ZMYND8: variants seen among roughly 807,000 people sequenced by gnomAD.
The protein encoded by ZMYND8 is zinc finger MYND-type containing 8, also known as MYND-type zinc finger-containing chromatin reader ZMYND8.
A neutral mutation model predicts 140.8 loss-of-function variants in ZMYND8; 37 were observed. That is an observed-to-expected ratio of 0.26 (90% CI 0.20 to 0.35). ZMYND8 has a LOEUF of 0.35. Ranked by LOEUF, ZMYND8 falls within the 10% of genes least tolerant of loss-of-function variation. The pLI, the probability that ZMYND8 is intolerant of heterozygous loss-of-function variation, is 1.00. For missense variants in ZMYND8, 1,068 were observed against 1,570.0 expected (o/e 0.68, Z 5.40); for synonymous variants, 592 against 597.1 (o/e 0.99, Z 0.12).
At chr20:47,331,435 T>C (rs1258638568) in intron 2 of ZMYND8, among the ~76,000 whole-genome samples, 1 of 152,158 alleles carries the variant, frequency 6.6e-6, no homozygotes, top group East Asian at 1.9e-4. Flanking sequence ...AAATCTCTCA[T>C]GGACATCTTG....
chr20:47,356,442 G>A, intron 1 of ZMYND8: 1 of 1,543,192 alleles, frequency 6.5e-7, no homozygotes, highest in East Asian at 2.4e-5. Context: ...GGTGTGCCAG[G>A]CCCTTGCCAG....
intron 21 of ZMYND8, among the ~76,000 whole-genome samples, chr20:47,218,083 C>T (rs2036382695): frequency 6.6e-6 from 1 of 152,230 alleles, no homozygotes; most frequent in African/African-American, 2.4e-5. Context: ...GCAGCTATGA[C>T]AGGAACCATG....
chr20:47,319,161 A>C (rs1393123486), intron 2 of ZMYND8: 2 of 622,696 alleles, frequency 3.2e-6, no homozygotes, highest in Middle Eastern at 3.0e-4. Context: ...CGGGGCAAGG[A>C]CACTGTCACC....
intron 12 of ZMYND8, among the ~76,000 whole-genome samples, chr20:47,252,940 G>A (rs1200952415): frequency 3.3e-5 from 5 of 152,170 alleles, no homozygotes; most frequent in Admixed American, 2.0e-4. Flanking sequence ...TAAAAGCCCA[G>A]AGAGTAAATA....
In ZMYND8 at chr20:47,245,990, A is replaced by G; in HGVS notation, c.2284+18T>C. The G allele has an allele frequency of 6.4e-7, 1 of 1,554,168 alleles. No individual in the cohort carries two copies. Among genetic ancestry groups the G allele is most frequent in the African/African-American group, 1.4e-5 (1 of 72,454 alleles). On this transcript the variant is annotated intron_variant, in intron 14 of 22. Coordinates refer to ENST00000471951, the MANE Select transcript of ZMYND8 (RefSeq NM_001281775.3). ...CTAAACCAAATTAAGAAAACTGGAAACAGATACAATCACTTACCATCCTGT... is the reference window on the plus strand; with the variant it reads ...CTAAACCAAATTAAGAAAACTGGAAGCAGATACAATCACTTACCATCCTGT...
At chr20:47,290,541 T>G (rs185501225) in intron 6 of ZMYND8, among the ~76,000 whole-genome samples, 7 of 152,014 alleles carry the variant, frequency 4.6e-5, no homozygotes, top group Non-Finnish European at 8.8e-5. Context: ...CTGTCATTTA[T>G]CATGTAGCTT....
At chr20:47,211,031 G>T in intron 22 of ZMYND8, 134 bp from the exon 23 acceptor site, 1 of 1,217,390 alleles carries the variant, frequency 8.2e-7, no homozygotes, top group South Asian at 1.6e-5. Flanking sequence ...CACTGCCACC[G>T]CTGACTGCCC....
chr20:47,336,808 G>A (rs1293426990), intron 2 of ZMYND8, among the ~76,000 whole-genome samples: 2 of 152,188 alleles, frequency 1.3e-5, no homozygotes, highest in African/African-American at 4.8e-5. Flanking sequence ...GCTGGCCACA[G>A]CGGATGAGCC....
At chr20:47,340,620 C>A (rs1160796226) in intron 2 of ZMYND8, among the ~76,000 whole-genome samples, 1 of 151,736 alleles carries the variant, frequency 6.6e-6, no homozygotes, top group East Asian at 1.9e-4. Flanking sequence ...ATGGTGAAAA[C>A]CCATCTCTAC....
At chr20:47,356,595 C>T in intron 1 of ZMYND8, 62 bp downstream of exon 1, 1 of 1,613,882 alleles carries the variant, frequency 6.2e-7, no homozygotes, top group South Asian at 1.1e-5. Context: ...TCACACTGCT[C>T]GCCCACAATT....
At chr20:47,294,212 T>C (rs1601670135) in intron 5 of ZMYND8, among the ~76,000 whole-genome samples, 1 of 150,706 alleles carries the variant, frequency 6.6e-6, no homozygotes, top group African/African-American at 2.4e-5. Flanking sequence ...AAATAGCCAG[T>C]GCGGTGGCGG....
chr20:47,351,604 T>C (rs2082786383), intron 1 of ZMYND8: 2 of 924,128 alleles, frequency 2.2e-6, no homozygotes, highest in Non-Finnish European at 2.6e-6. Context: ...TACAAAATAG[T>C]GAACATCAAA....
chr20:47,349,957 A>G (rs2082636893), intron 1 of ZMYND8: 2 of 1,534,026 alleles, frequency 1.3e-6, no homozygotes, highest in African/African-American at 1.4e-5. Flanking sequence ...GTAACAGCCT[A>G]GAGGAGCTGA....
chr20:47,287,304 G>C lies in ZMYND8; in HGVS notation c.749-20C>G. On this transcript the variant is annotated intron_variant, in intron 7 of 22. Transcript: ENST00000471951. The stretch of plus-strand genomic sequence containing the variant: ...GATTTCCTAAGGGAATAAGAAAACA[G>C]GATTAATTCTAATGGAAATACCGCA... The C allele has an allele frequency of 6.2e-7, 1 of 1,604,778 alleles. No homozygotes were observed. The highest frequency in any genetic ancestry group is 1.1e-5 in the South Asian group (1 of 90,888).
chr20:47,276,453 C>T lies in ZMYND8; in HGVS notation c.1341G>A (p.Ser447=), dbSNP rs112232405. ...SGGTGRRISL[S]DMPRSPMSTN... is the part of the protein sequence containing the mutation. ...TGCTCATGGGGGAGCGCGGCATATC[C>T]GACAAGGAAATCCGGCGGCCTGTGC... is the stretch of plus-strand genomic sequence containing the variant. Residue 447 remains serine (S), a synonymous_variant, in exon 11 of 23, where the codon TCG becomes TCA. Transcript: ENST00000471951. 3.9e-5 allele frequency: 63 copies of T among 1,614,124 alleles called. No individual in the cohort carries two copies. Among genetic ancestry groups the T allele is most frequent in the African/African-American group, 3.7e-4 (28 of 75,028 alleles).
intron 21 of ZMYND8, among the ~76,000 whole-genome samples, chr20:47,219,814 C>A (rs1027468046): frequency 6.6e-6 from 1 of 152,166 alleles, no homozygotes; most frequent in Admixed American, 6.5e-5. Flanking sequence ...GAAAGATCAT[C>A]CACTTAAGCA....
Position 47,229,749 on chromosome 20 carries a change from T to C in ZMYND8, c.2914A>G (p.Thr972Ala). 1 of 1,613,574 alleles carries C rather than the reference T, an allele frequency of 6.2e-7. No homozygotes were observed. The highest frequency in any genetic ancestry group is 8.5e-7 in the Non-Finnish European group (1 of 1,179,812). Residue 972 changes from threonine to alanine, a missense_variant, in exon 17 of 23, where the codon ACT (threonine) becomes GCT (alanine). By Grantham distance (58) the Thr-to-Ala change is moderately conservative. Transcript: ENST00000471951. ...ACCTCAGCTATTGTGCTTCCAGTAGTGTTTTTAGAAAGATCGTTGTATATT... is the reference window on the plus strand; with the variant it reads ...ACCTCAGCTATTGTGCTTCCAGTAGCGTTTTTAGAAAGATCGTTGTATATT... ...TEIYNDLSKN[T>A]TGSTIAEIRR...
chr20:47,299,042 TA>T (rs1391085872), intron 3 of ZMYND8, 95 bp from the exon 4 acceptor site: 2 of 1,181,704 alleles, frequency 1.7e-6, no homozygotes, highest in African/African-American at 1.5e-5. Context: ...CAAAAGAAAA[TA>T]ACAGCATTTC....
chr20:47,313,914 C>G (rs1188132787), intron 2 of ZMYND8, among the ~76,000 whole-genome samples: 3 of 151,470 alleles, frequency 2.0e-5, no homozygotes, highest in East Asian at 2.0e-4. Flanking sequence ...GCCTGGGCAA[C>G]AGAGCAAGAC....
Sources: allele counts gnomAD v4.1 joint callset (sites outside exome capture counted in the v4.1 genomes callset), GRCh38; gene constraint gnomAD v4.1.1; transcripts MANE v1.5; gene names NCBI Gene and HGNC (gene_info 2026-07-23, HGNC 2026-07-21).